The following COG3 variants were observed in gnomAD, a reference collection of about 807,000 sequenced individuals.
COG3 encodes the protein conserved oligomeric Golgi complex subunit 3.
In COG3, 32 loss-of-function variants were observed where a neutral mutation model predicts 114.1. The observed-to-expected ratio is 0.28, with a 90% CI of 0.21 to 0.38. The LOEUF is 0.38. Ranked by LOEUF, COG3 falls within the 10% of genes least tolerant of loss-of-function variation. The pLI is 1.00. For synonymous variants in COG3, 352 were observed against 365.7 expected, an observed-to-expected ratio of 0.96 and a Z score of 0.43; for missense variants, 813 against 973.2, an observed-to-expected ratio of 0.84 and a Z score of 2.19.
intron 1 of COG3, among the ~76,000 whole-genome samples, chr13:45,469,661 C>A (rs1178184582): frequency 6.6e-6 from 1 of 151,898 alleles, no homozygotes; most frequent in Non-Finnish European, 1.5e-5. Context: ...TATATAGGAC[C>A]TAAAATTGAT....
chr13:45,493,496 T>C lies in COG3; in HGVS notation c.1327+10T>C, dbSNP rs1887142156. On this transcript the variant is annotated intron_variant, in intron 12 of 22. Transcript: ENST00000349995. ...CATGTGCAGAACAATGGTAAATGAGTAGAAATGATCATTTTAAGTTATATC... is the reference window on the plus strand; with the variant it reads ...CATGTGCAGAACAATGGTAAATGAGCAGAAATGATCATTTTAAGTTATATC... 6.2e-7 allele frequency: 1 copy of C among 1,606,752 alleles called. No homozygotes were observed. Among genetic ancestry groups the C allele is most frequent in the South Asian group, 1.1e-5 (1 of 90,058 alleles).
intron 7 of COG3, among the ~76,000 whole-genome samples, chr13:45,484,605 TTTATTTA>T (rs869067576): frequency 6.2e-4 from 94 of 151,320 alleles, no homozygotes; most frequent in Middle Eastern, 6.8e-3. Context: ...TATTTATTTA[TTTATTTA>T]TTTTTTTATT....
At chr13:45,474,198 C>A (rs1197024749) in intron 1 of COG3, among the ~76,000 whole-genome samples, 1 of 128,358 alleles carries the variant, frequency 7.8e-6, no homozygotes, top group Non-Finnish European at 1.5e-5. Context: ...CGCTCTGTCG[C>A]CCAGGCTGGA....
rs145561703 is a variant in COG3, at chr13:45,490,616, T to A, written c.925-299T>A. ...TTATCTAGTATTGAAAAGTATTTAA[T>A]CATAGGAAAATGTTTATGAAATAAT... On this transcript the variant is annotated intron_variant, in intron 8 of 22. Coordinates refer to ENST00000349995, the MANE Select transcript of COG3 (RefSeq NM_031431.4). 1.4e-4 allele frequency among the ~76,000 whole-genome samples: 21 copies of A among 152,116 alleles called. No homozygotes were observed. In the East Asian group the frequency reaches 4.1e-3, roughly 29 times the overall value.
chr13:45,498,635 G>GT (rs557915520), intron 13 of COG3, among the ~76,000 whole-genome samples: 2 of 151,686 alleles, frequency 1.3e-5, no homozygotes, highest in African/African-American at 2.4e-5. Context: ...TAGATTAATG[G>GT]TTTTTTTGTT....
At chr13:45,516,693 T>G (rs1871576564) in intron 17 of COG3, among the ~76,000 whole-genome samples, 1 of 152,194 alleles carries the variant, frequency 6.6e-6, no homozygotes, top group African/African-American at 2.4e-5. Flanking sequence ...AGCACTGGGT[T>G]TTCTTCCTGT....
At position 45,476,324 on chromosome 13, in the gene COG3, G is replaced by A; in HGVS notation, c.298G>A (p.Glu100Lys). ...CTTCACTTCCTTAGGAATGGAAGAA[G>A]AAAGAATTGAAACCGCACAGCAGGT... ...KGFTSLGMEE[E>K]RIETAQQFFS... is the part of the protein sequence containing the mutation. The change falls in exon 2 of 23, where the codon GAA becomes AAA. Residue 100 changes from glutamate (E) to lysine (K), a missense_variant. Around this residue, in one of 2 missense-constraint regions of COG3, gnomAD observed 424 missense variants for 430.6 expected, o/e 0.98. Coordinates refer to ENST00000349995, the MANE Select transcript of COG3 (RefSeq NM_031431.4). 1 of 1,613,844 alleles carries A rather than the reference G, an allele frequency of 6.2e-7. No homozygotes were observed. The highest frequency in any genetic ancestry group is 2.2e-5 in the East Asian group (1 of 44,856).
rs1443372017 is a variant in COG3, at chr13:45,519,033, A to G, written c.2093A>G (p.Glu698Gly). 1.9e-6 allele frequency: 3 copies of G among 1,614,200 alleles called. No homozygotes were observed. ...DVDRHLKSAC[E>G]QFIQQQTKLF... ...GACCGTCATCTGAAATCGGCCTGTGAGCAGTTTATTCAGCAGCAGACCAAG... is the reference window on the plus strand; with the variant it reads ...GACCGTCATCTGAAATCGGCCTGTGGGCAGTTTATTCAGCAGCAGACCAAG... Residue 698 changes from glutamate (E) to glycine (G), a missense_variant, in exon 19 of 23, where the codon GAG becomes GGG. Transcript: ENST00000349995.
rs778180574 is a variant in COG3 at position 45,480,254 on chromosome 13, C to T, written c.513C>T (p.Thr171=). Residue 171 remains threonine (T), a synonymous_variant, in exon 4 of 23, where the codon ACC becomes ACT. Transcript: ENST00000349995. ...TTTTTGTGTCCAATAAGACAGGAAC[C>T]CTACATGAAGCCTGTGAACAGCTCC... ...QYLFVSNKTG[T]LHEACEQLLK... 19 of 1,613,466 alleles carry T rather than the reference C, an allele frequency of 1.2e-5. No individual in the cohort carries two copies. The highest frequency in any genetic ancestry group is 1.4e-5 in the Non-Finnish European group (17 of 1,179,610).
chr13:45,513,422 T>A (rs35553003), intron 16 of COG3, among the ~76,000 whole-genome samples: 1 of 52,082 alleles, frequency 1.9e-5, no homozygotes, highest in African/African-American at 9.6e-5. Context: ...ACATATAAAT[T>A]ATATATATAA....
At chr13:45,528,792 A>T (rs1872915668) in intron 20 of COG3, among the ~76,000 whole-genome samples, 1 of 152,144 alleles carries the variant, frequency 6.6e-6, no homozygotes, top group Admixed American at 6.5e-5. Context: ...TTTCTTTTGT[A>T]ATTCTTGTAA....
In COG3 at chr13:45,477,453, T is replaced by C. The variant is rs191790667; in HGVS notation, c.321+1106T>C. Among the ~76,000 whole-genome samples, 105 of 152,318 alleles carry C rather than the reference T, an allele frequency of 6.9e-4. 2 individuals are homozygous for C. The highest frequency in any genetic ancestry group is 2.4e-3 in the African/African-American group (101 of 41,560). ...TCAGCTCAATGAGTTTTGAAAAGTG[T>C]ATATACCTATGTATGTAACTAACAA... On this transcript the variant is annotated intron_variant, in intron 2 of 22. Transcript: ENST00000349995.
intron 4 of COG3, 34 bp downstream of exon 4, chr13:45,480,324 T>G (rs749241135): frequency 6.4e-6 from 9 of 1,403,066 alleles, no homozygotes; most frequent in Non-Finnish European, 7.8e-6. Flanking sequence ...TCAGTCATTA[T>G]ATTTAATATT....
intron 20 of COG3, 91 bp from the exon 21 acceptor site, chr13:45,529,700 A>G (rs1265176374): frequency 9.8e-6 from 9 of 917,020 alleles, no homozygotes; most frequent in Non-Finnish European, 1.4e-5. Context: ...TTCTTCTGCT[A>G]TTTTTTTCTC....
At position 45,465,187 on chromosome 13, in the gene COG3, G is replaced by C; in HGVS notation, c.151G>C (p.Glu51Gln). ...GGTATTGGAGCTGAAGGCGGCGGCA[G>C]AGAACTTGCCGGTGCCAGCTGAGGT... ...DSVLELKAAA[E>Q]NLPVPAELPI... The change falls in exon 1 of 23, where the codon GAG becomes CAG. Residue 51 changes from glutamate (E) to glutamine (Q), a missense_variant. By Grantham distance (29) the Glu-to-Gln change is conservative. Around this residue, in one of 2 missense-constraint regions of COG3, gnomAD observed 424 missense variants for 430.6 expected, o/e 0.98. Transcript: ENST00000349995. 1 of 1,613,670 alleles carries C rather than the reference G, an allele frequency of 6.2e-7. No homozygotes were observed. The highest frequency in any genetic ancestry group is 8.5e-7 in the Non-Finnish European group (1 of 1,179,894).
chr13:45,513,646 C>G (rs116783253), intron 16 of COG3, among the ~76,000 whole-genome samples: 3,312 of 150,268 alleles, frequency 0.022, 117 homozygotes, highest in African/African-American at 0.076. Context: ...ATCTTTGTGA[C>G]CACTATATTT....
In COG3 at chr13:45,482,486, A is replaced by AT. The variant is rs1241766254; in HGVS notation, c.717+18dup. The AT allele has an allele frequency of 3.2e-6, 4 of 1,257,712 alleles. No individual in the cohort carries two copies. The highest frequency in any genetic ancestry group is 1.9e-4 in the Middle Eastern group (1 of 5,278). 77.9% of individuals were successfully genotyped at this position (1,257,712 alleles called of 1,614,324 possible). Reference sequence around the variant, plus strand: ...TATCTCATCTCATGTAAGTCAGAGTATTTTTGCATGTTTTAAAGAAATCCT... The same window carrying AT: ...TATCTCATCTCATGTAAGTCAGAGTATTTTTTGCATGTTTTAAAGAAATCCT... On this transcript the variant is annotated intron_variant, in intron 6 of 22. Transcript: ENST00000349995.
At chr13:45,491,305 G>A in intron 9 of COG3, 107 bp from the exon 10 acceptor site, 2 of 1,109,990 alleles carry the variant, frequency 1.8e-6, no homozygotes, top group South Asian at 1.6e-5. Context: ...AATGAGAGGT[G>A]ACCGTTATAG....
chr13:45,517,794 AT>A (rs2137901071), intron 17 of COG3, among the ~76,000 whole-genome samples: 1 of 151,916 alleles, frequency 6.6e-6, no homozygotes, highest in South Asian at 2.1e-4. Context: ...ACTTTCTTTC[AT>A]TTTTTTCTAA....
Sources: gnomAD v4.1 joint callset for allele counts (sites outside exome capture counted in the v4.1 genomes callset) on GRCh38, gnomAD v4.1.1 for gene constraint, gnomAD v4.1.1 regional missense constraint, MANE v1.5 for transcripts, NCBI Gene and HGNC (gene_info 2026-07-23, HGNC 2026-07-21) for gene names.